MOGAT2: variants seen among roughly 807,000 people sequenced by gnomAD.
The protein encoded by MOGAT2 is 2-acylglycerol O-acyltransferase 2.
In MOGAT2, 27 loss-of-function variants were observed where a neutral mutation model predicts 31.5. The ratio of observed to expected loss-of-function variants is 0.86; its 90% CI spans 0.63 to 1.18. MOGAT2 has a LOEUF of 1.18. Among genes scored for constraint, MOGAT2 ranks in the 50% most tolerant of loss-of-function variants. The pLI, the probability that MOGAT2 is intolerant of heterozygous loss-of-function variation, is 0.00. For missense variants in MOGAT2, 436 were observed against 433.2 expected, an observed-to-expected ratio of 1.01 and a Z score of -0.06; for synonymous variants, 163 against 170.0, an observed-to-expected ratio of 0.96 and a Z score of 0.32.
chr11:75,725,597 C>T (rs543037728), intron 2 of MOGAT2, among the ~76,000 whole-genome samples: 4 of 148,594 alleles, frequency 2.7e-5, no homozygotes, highest in African/African-American at 5.2e-5. Context: ...AGGCCATGTC[C>T]GGGTCAAGGA....
Position 75,722,040 on chromosome 11 carries a change from G to A in MOGAT2, c.270+1870G>A, listed in dbSNP as rs938013216. On this transcript the variant is annotated intron_variant, in intron 2 of 5. Coordinates refer to ENST00000198801, the MANE Select transcript of MOGAT2 (RefSeq NM_025098.4). ...CGGGCAGCGGCTGGCAGAGACTGCCGTGCTCACGAAGGGTGGTAGATGTGG... is the reference window on the plus strand; with the variant it reads ...CGGGCAGCGGCTGGCAGAGACTGCCATGCTCACGAAGGGTGGTAGATGTGG... Among the ~76,000 whole-genome samples, 11 of 152,332 alleles carry A rather than the reference G, an allele frequency of 7.2e-5. 1 individual carries two copies. The highest frequency in any genetic ancestry group is 5.2e-4 in the Admixed American group (8 of 15,302).
In MOGAT2 at chr11:75,731,133, G is replaced by A; in HGVS notation, c.852G>A (p.Val284=). The part of the protein sequence containing the change: ...IPYRRPITTV[V]GKPIEVQKTL... ...ACTGCACACCTCTATGCCTTGCAGT[G>A]GGGAAGCCCATCGAGGTACAGAAGA... Residue 284 remains valine (V), a splice_region_variant and synonymous_variant, in exon 6 of 6, where the codon GTG becomes GTA. Coordinates refer to ENST00000198801, the MANE Select transcript of MOGAT2 (RefSeq NM_025098.4). The A allele has an allele frequency of 6.2e-7, 1 of 1,613,600 alleles. No homozygotes were observed. Among genetic ancestry groups the A allele is most frequent in the Non-Finnish European group, 8.5e-7 (1 of 1,179,890 alleles).
At chr11:75,720,266 A>C (rs533200529) in intron 2 of MOGAT2, 96 bp downstream of exon 2, 1 of 1,374,222 alleles carries the variant, frequency 7.3e-7, no homozygotes, top group East Asian at 2.3e-5. Flanking sequence ...ATGGCCCTGC[A>C]TGCACTGAGG....
chr11:75,727,593 C>G lies in MOGAT2; in HGVS notation c.429C>G (p.Thr143=). 1.9e-6 allele frequency: 3 copies of G among 1,614,200 alleles called. No individual in the cohort carries two copies. The highest frequency in any genetic ancestry group is 2.5e-6 in the Non-Finnish European group (3 of 1,180,030). Residue 143 remains threonine, a synonymous_variant, in exon 3 of 6, where the codon ACC becomes ACG. Coordinates refer to ENST00000198801, the MANE Select transcript of MOGAT2 (RefSeq NM_025098.4). ...PGIRPHLMML[T]LWFRAPFFRD... is the part of the protein sequence containing the mutation. ...TCCGCCCCCATCTGATGATGCTGAC[C>G]TTGTGGTTCCGGGCCCCCTTCTTCA... is the stretch of plus-strand genomic sequence containing the variant.
At position 75,732,646 on chromosome 11, in the gene MOGAT2, G is replaced by A. The variant is rs1440685042; in HGVS notation, c.*1360G>A. 1 of 152,412 alleles carries A rather than the reference G, an allele frequency of 6.6e-6. No individual in the cohort carries two copies. Among genetic ancestry groups the A allele is most frequent in the East Asian group, 1.9e-4 (1 of 5,170 alleles). The allele number at this position is 152,412 out of a possible 1,614,324, so 9.4% of individuals were successfully genotyped here. A position where few individuals can be genotyped will look rare whatever the true frequency, so the allele number is the denominator to read the frequency against. On this transcript the variant is annotated 3_prime_UTR_variant, in exon 6 of 6. Transcript: ENST00000198801. ...GTCTCACCTCTGAGTTTTTGCCCAT[G>A]ATGTTGGATGCCATGGAATGCCATA...
chr11:75,721,877 T>C (rs1407319526), intron 2 of MOGAT2, among the ~76,000 whole-genome samples: 2 of 152,182 alleles, frequency 1.3e-5, no homozygotes, highest in Non-Finnish European at 1.5e-5. Flanking sequence ...TTGGGGTTCC[T>C]GCCTTGCTCC....
rs75065003 is a variant in MOGAT2 at position 75,727,957 on chromosome 11, T to C, written c.476-13T>C. On this transcript the variant is annotated splice_polypyrimidine_tract_variant and intron_variant, in intron 3 of 5. Coordinates refer to ENST00000198801, the MANE Select transcript of MOGAT2 (RefSeq NM_025098.4). ...CCTCACCCCATACCTGACCCACTTT[T>C]CTCTTTCCCTAGGGTTGGTCACATC... is the stretch of plus-strand genomic sequence containing the variant. 5.7e-3 allele frequency: 9,119 copies of C among 1,589,618 alleles called. 292 individuals carry two copies. The African/African-American group carries it at 0.078, about 14-fold the overall frequency.
At chr11:75,723,041 A>C (rs1014097843) in intron 2 of MOGAT2, among the ~76,000 whole-genome samples, 9 of 152,152 alleles carry the variant, frequency 5.9e-5, no homozygotes, top group African/African-American at 1.7e-4. Flanking sequence ...GGCTCACTGC[A>C]ACCTCCACCT....
In MOGAT2 at chr11:75,732,455, G is replaced by T. The variant is rs1187921193; in HGVS notation, c.*1169G>T. On this transcript the variant is annotated 3_prime_UTR_variant, in exon 6 of 6. Coordinates refer to ENST00000198801, the MANE Select transcript of MOGAT2 (RefSeq NM_025098.4). ...AAGACAGGCAGAGTGGATCTGGAGG[G>T]GTCAACGGAAGACGGAACATGTCCA... is the stretch of plus-strand genomic sequence containing the variant. 6.6e-6 allele frequency: 1 copy of T among 152,226 alleles called. No individual in the cohort carries two copies. Among genetic ancestry groups the T allele is most frequent in the Non-Finnish European group, 1.5e-5 (1 of 68,072 alleles). 9.4% of individuals were successfully genotyped at this position (152,226 alleles called of 1,614,324 possible).
At chr11:75,730,677 G>A (rs145077315) in intron 5 of MOGAT2, among the ~76,000 whole-genome samples, 2,728 of 152,204 alleles carry the variant, frequency 0.018, 80 homozygotes, top group African/African-American at 0.062. Context: ...TTGGGAGGTC[G>A]AGACGGGCAG....
chr11:75,732,226 TG>T lies in MOGAT2; in HGVS notation c.*945del, dbSNP rs1477403620. ...TTCCTGAACCAGGAAGACTCATGTG[TG>T]GGGGCCATTGCTGGTCAAGGGGCAC... On this transcript the variant is annotated 3_prime_UTR_variant, in exon 6 of 6. Transcript: ENST00000198801. The T allele has an allele frequency of 6.6e-6, 1 of 152,316 alleles. No homozygotes were observed. Among genetic ancestry groups the T allele is most frequent in the African/African-American group, 2.4e-5 (1 of 41,428 alleles). The allele number at this position is 152,316 out of a possible 1,614,324, so 9.4% of individuals were successfully genotyped here.
intron 2 of MOGAT2, among the ~76,000 whole-genome samples, chr11:75,721,498 G>A (rs550295413): frequency 2.0e-4 from 31 of 152,218 alleles, no homozygotes; most frequent in Non-Finnish European, 3.5e-4. Context: ...GGTCAGGCTG[G>A]TCTCGAACTC....
chr11:75,728,792 C>T lies in MOGAT2; in HGVS notation c.653C>T (p.Ala218Val), dbSNP rs1415980685. The T allele has an allele frequency of 6.2e-7, 1 of 1,613,786 alleles. No individual in the cohort carries two copies. Among genetic ancestry groups the T allele is most frequent in the Non-Finnish European group, 8.5e-7 (1 of 1,179,928 alleles). ...GFVRLALTHG[A>V]PLVPIFSFGE... ...CTCTTTCCTCTATTTGTCTCCAGGGCACCCCTGGTGCCAATCTTCTCCTTC... is the reference window on the plus strand; with the variant it reads ...CTCTTTCCTCTATTTGTCTCCAGGGTACCCCTGGTGCCAATCTTCTCCTTC... The change falls in exon 5 of 6, where the codon GCA becomes GTA. Residue 218 changes from alanine to valine, a missense_variant and splice_region_variant. Transcript: ENST00000198801.
At chr11:75,721,205 T>C (rs1398474877) in intron 2 of MOGAT2, among the ~76,000 whole-genome samples, 2 of 152,200 alleles carry the variant, frequency 1.3e-5, no homozygotes, top group African/African-American at 4.8e-5. Context: ...AGTTTCCTCA[T>C]ATGTAAAATG....
chr11:75,721,736 A>C (rs1387016585), intron 2 of MOGAT2, among the ~76,000 whole-genome samples: 1 of 151,590 alleles, frequency 6.6e-6, no homozygotes, highest in Non-Finnish European at 1.5e-5. Context: ...AACTTCTCCC[A>C]CCCCGCCTGG....
At chr11:75,723,193 C>T (rs12787057) in intron 2 of MOGAT2, among the ~76,000 whole-genome samples, 32,297 of 151,968 alleles carry the variant, frequency 0.21, 4,323 homozygotes, top group Non-Finnish European at 0.31. Context: ...AACTCCTGAC[C>T]GCCCACCTTA....
At chr11:75,724,574 A>G (rs1294607539) in intron 2 of MOGAT2, among the ~76,000 whole-genome samples, 1 of 152,074 alleles carries the variant, frequency 6.6e-6, no homozygotes, top group East Asian at 1.9e-4. Context: ...AGGCAGGAGA[A>G]TTGCTTGAAC....
At chr11:75,721,246 G>A (rs367559087) in intron 2 of MOGAT2, among the ~76,000 whole-genome samples, 3 of 152,146 alleles carry the variant, frequency 2.0e-5, no homozygotes, top group African/African-American at 7.2e-5. Flanking sequence ...ACTGGGTTGT[G>A]TAGATTCAAT....
chr11:75,721,308 A>G (rs1944374768), intron 2 of MOGAT2, among the ~76,000 whole-genome samples: 1 of 151,298 alleles, frequency 6.6e-6, no homozygotes, highest in Non-Finnish European at 1.5e-5. Context: ...TTTGAGATGG[A>G]GTCTCGCTCT....
Sources: gnomAD v4.1 joint callset for allele counts (sites outside exome capture counted in the v4.1 genomes callset) on GRCh38, gnomAD v4.1.1 for gene constraint, MANE v1.5 for transcripts, NCBI Gene and HGNC (gene_info 2026-07-23, HGNC 2026-07-21) for gene names.